Variants in IMMP2L observed in about 807,000 individuals in gnomAD.
IMMP2L encodes inner mitochondrial membrane peptidase subunit 2.
IMMP2L carries 18 observed loss-of-function variants against 19.3 expected under a neutral mutation model. The observed-to-expected ratio is 0.93, with a 90% CI of 0.64 to 1.38. The LOEUF is 1.38. Among genes scored for constraint, IMMP2L ranks in the 40% most tolerant of loss-of-function variants. IMMP2L has a pLI of 0.00. For synonymous variants in IMMP2L, 76 were observed against 73.0 expected (o/e 1.04, Z -0.21); for missense variants, 233 against 218.2 (o/e 1.07, Z -0.43).
At position 111,315,695 on chromosome 7, in the gene IMMP2L, A is replaced by G. The variant is rs12534671; in HGVS notation, c.239+171543T>C. ...TGAATGAGACTACGTCCATTTAAGC[A>G]AACAACACACAAGGAAACATTTCCT... is the stretch of plus-strand genomic sequence containing the variant. On this transcript the variant is annotated intron_variant, in intron 3 of 5. Coordinates refer to ENST00000405709, the MANE Select transcript of IMMP2L (RefSeq NM_032549.4). Among the ~76,000 whole-genome samples the G allele has an allele frequency of 2.4e-4, 37 of 152,006 alleles. 1 individual carries two copies.
intron 3 of IMMP2L, among the ~76,000 whole-genome samples, chr7:111,163,117 C>T (rs1244987331): frequency 1.3e-5 from 2 of 152,056 alleles, no homozygotes; most frequent in Admixed American, 6.6e-5. Context: ...AGGACCTGAG[C>T]GCTCTATGAG....
chr7:111,489,933 G>A (rs1842954005), intron 2 of IMMP2L, among the ~76,000 whole-genome samples: 1 of 151,790 alleles, frequency 6.6e-6, no homozygotes, highest in South Asian at 2.1e-4. Context: ...GTAGAGCTGC[G>A]ACTACAGGTG....
intron 3 of IMMP2L, among the ~76,000 whole-genome samples, chr7:111,121,381 T>C (rs977343889): frequency 2.6e-5 from 4 of 152,216 alleles, no homozygotes; most frequent in Non-Finnish European, 4.4e-5. Flanking sequence ...TTTGTCAATT[T>C]TGGCTTTTGT....
chr7:111,255,320 T>C (rs1190961875), intron 3 of IMMP2L, among the ~76,000 whole-genome samples: 1 of 151,992 alleles, frequency 6.6e-6, no homozygotes, highest in Non-Finnish European at 1.5e-5. Flanking sequence ...AGCACAACAT[T>C]GACAGCTGCA....
chr7:110,962,957 G>A (rs1819123664), intron 4 of IMMP2L: 7 of 1,444,254 alleles, frequency 4.8e-6, no homozygotes, highest in Non-Finnish European at 6.3e-6. Flanking sequence ...TGATTTATCA[G>A]CAAGTACAAT....
chr7:110,722,070 T>C (rs1213264989), intron 5 of IMMP2L, among the ~76,000 whole-genome samples: 1 of 151,958 alleles, frequency 6.6e-6, no homozygotes, highest in Non-Finnish European at 1.5e-5. Context: ...AAAAGATGAA[T>C]AGGATGTCAA....
intron 3 of IMMP2L, among the ~76,000 whole-genome samples, chr7:111,004,922 C>A (rs556448985): frequency 6.6e-6 from 1 of 152,150 alleles, no homozygotes; most frequent in African/African-American, 2.4e-5. Context: ...AAACTACTCT[C>A]ACTTATCACA....
In IMMP2L at chr7:110,861,302, G is replaced by T. The variant is rs573211901; in HGVS notation, c.408+25291C>A. Among the ~76,000 whole-genome samples, 17 of 151,876 alleles carry T rather than the reference G, an allele frequency of 1.1e-4. No homozygotes were observed. In the South Asian group the frequency reaches 3.5e-3, roughly 32 times the overall value. ...ACAAACTTTTTTTTTTGGAGACAGG[G>T]TCTTGCGTCGGCTGCACTCAGGCTA... On this transcript the variant is annotated intron_variant, in intron 5 of 5. Transcript: ENST00000405709.
intron 3 of IMMP2L, among the ~76,000 whole-genome samples, chr7:111,201,279 C>CA (rs564280464): frequency 0.22 from 29,260 of 133,910 alleles, 3,618 homozygotes; most frequent in African/African-American, 0.38. Flanking sequence ...GTATCAAATC[C>CA]AAAAAAAAAA....
intron 2 of IMMP2L, among the ~76,000 whole-genome samples, chr7:111,519,700 T>C (rs577689257): frequency 3.3e-5 from 5 of 152,186 alleles, no homozygotes; most frequent in East Asian, 1.9e-4. Flanking sequence ...GCCATGAACA[T>C]AGATGTTCAG....
chr7:110,769,515 T>C (rs1798898178), intron 5 of IMMP2L, among the ~76,000 whole-genome samples: 2 of 152,128 alleles, frequency 1.3e-5, no homozygotes, highest in Non-Finnish European at 2.9e-5. Context: ...TGCTAGATAA[T>C]ACGCAGAGAA....
At chr7:111,512,562 C>G (rs914817774) in intron 2 of IMMP2L, among the ~76,000 whole-genome samples, 19 of 151,976 alleles carry the variant, frequency 1.3e-4, no homozygotes, top group African/African-American at 4.6e-4. Context: ...TTCAATTGCA[C>G]TATCTTTAAA....
intron 5 of IMMP2L, among the ~76,000 whole-genome samples, chr7:110,864,891 C>T (rs1443361052): frequency 6.6e-6 from 1 of 151,972 alleles, no homozygotes; most frequent in Non-Finnish European, 1.5e-5. Context: ...CTGATTTTCT[C>T]TTCAGTTTAA....
intron 5 of IMMP2L, among the ~76,000 whole-genome samples, chr7:110,811,714 G>T (rs1233684322): frequency 6.6e-6 from 1 of 151,988 alleles, no homozygotes; most frequent in Non-Finnish European, 1.5e-5. Flanking sequence ...ACATCCAAGA[G>T]AGTATTATCA....
At chr7:111,465,138 G>A (rs1188227323) in intron 3 of IMMP2L, among the ~76,000 whole-genome samples, 2 of 152,058 alleles carry the variant, frequency 1.3e-5, no homozygotes, top group East Asian at 3.9e-4. Context: ...ACTACCCATT[G>A]TCCAAAAGAT....
At chr7:111,536,741 CATT>C (rs1291667081) in intron 1 of IMMP2L, among the ~76,000 whole-genome samples, 1 of 152,052 alleles carries the variant, frequency 6.6e-6, no homozygotes, top group Non-Finnish European at 1.5e-5. Context: ...AAAGAATAAT[CATT>C]GAGATGAGTT....
At chr7:111,296,383 C>T (rs1002036015) in intron 3 of IMMP2L, among the ~76,000 whole-genome samples, 16 of 151,746 alleles carry the variant, frequency 1.1e-4, no homozygotes, top group Admixed American at 7.2e-4. Context: ...ACAGACATTT[C>T]GCCAGAGAGG....
intron 3 of IMMP2L, among the ~76,000 whole-genome samples, chr7:111,330,865 G>A (rs1825806858): frequency 6.6e-6 from 1 of 151,500 alleles, no homozygotes; most frequent in Non-Finnish European, 1.5e-5. Flanking sequence ...GCAAATTAAA[G>A]ACCACAATGA....
chr7:110,934,165 A>C (rs921037904), intron 4 of IMMP2L, among the ~76,000 whole-genome samples: 30 of 152,240 alleles, frequency 2.0e-4, no homozygotes, highest in African/African-American at 7.2e-4. Flanking sequence ...GGGTTTCTTA[A>C]TCCTGAGTCC....
Sources: allele counts gnomAD v4.1 joint callset (sites outside exome capture counted in the v4.1 genomes callset), GRCh38; gene constraint gnomAD v4.1.1; transcripts MANE v1.5; gene names NCBI Gene and HGNC (gene_info 2026-07-23, HGNC 2026-07-21).